SCAP: variants seen among roughly 807,000 people sequenced by gnomAD.
The protein encoded by SCAP is sterol regulatory element-binding protein cleavage-activating protein.
In SCAP, 65 loss-of-function variants were observed where a neutral mutation model predicts 123.6. That is an observed-to-expected ratio of 0.53 (90% CI 0.43 to 0.65). The LOEUF is 0.65. Ranked by LOEUF, SCAP falls within the 30% of genes least tolerant of loss-of-function variation. SCAP has a pLI of 0.00. For synonymous variants in SCAP, 740 were observed against 726.3 expected (o/e 1.02, Z -0.30); for missense variants, 1,398 against 1,712.5 (o/e 0.82, Z 3.24).
intron 1 of SCAP, among the ~76,000 whole-genome samples, chr3:47,458,867 G>A (rs981812362): frequency 9.2e-5 from 14 of 152,198 alleles, no homozygotes; most frequent in African/African-American, 3.4e-4. Flanking sequence ...GTGCAACGGC[G>A]TGATCTCGGC....
intron 3 of SCAP, chr3:47,434,804 T>G: frequency 1.9e-6 from 1 of 533,760 alleles, no homozygotes; most frequent in Non-Finnish European, 3.2e-6. Flanking sequence ...GCCATTGCAC[T>G]CCAGCCTGGA....
At chr3:47,417,970 G>T (rs1249082857) in intron 16 of SCAP, 144 bp from the exon 17 acceptor site, 1 of 464,882 alleles carries the variant, frequency 2.2e-6, no homozygotes, top group South Asian at 1.9e-5. Flanking sequence ...GGTGGGGAGA[G>T]GGGGGTACGG....
intron 1 of SCAP, chr3:47,470,110 A>G (rs1707975805): frequency 5.9e-6 from 1 of 168,804 alleles, no homozygotes. Context: ...AAATATTTAC[A>G]TGCTGCAAAT....
At chr3:47,444,026 T>A (rs1706927566) in intron 1 of SCAP, among the ~76,000 whole-genome samples, 1 of 152,196 alleles carries the variant, frequency 6.6e-6, no homozygotes, top group Non-Finnish European at 1.5e-5. Flanking sequence ...CATCAACTTT[T>A]TTTTCCGTTT....
rs1423904033 is a variant in SCAP at position 47,442,880 on chromosome 3, T to A, written c.114A>T (p.Leu38Phe). Residue 38 changes from leucine (L) to phenylalanine (F), a missense_variant, in exon 2 of 23, where the codon TTA becomes TTT. Around this residue, in one of 7 missense-constraint regions of SCAP, gnomAD observed 319 missense variants for 432.4 expected, o/e 0.74. Transcript: ENST00000265565. ...PIILFTGFCI[L>F]ACCYPLLKLP... is the part of the protein sequence containing the mutation. The stretch of plus-strand genomic sequence containing the variant: ...GCAACCCAAAAACATACCAGCAGGC[T>A]AAGATGCAGAACCCTGTGAAGAGGA... 5 of 1,614,070 alleles carry A rather than the reference T, an allele frequency of 3.1e-6. No homozygotes were observed. Among genetic ancestry groups the A allele is most frequent in the Admixed American group, 1.7e-5 (1 of 60,008 alleles).
chr3:47,445,231 C>T (rs1382364519), intron 1 of SCAP, among the ~76,000 whole-genome samples: 1 of 148,658 alleles, frequency 6.7e-6, no homozygotes, highest in Non-Finnish European at 1.5e-5. Context: ...GTTTGAATAC[C>T]TGTTTTCAAT....
chr3:47,417,419 G>T lies in SCAP; in HGVS notation c.2855C>A (p.Ser952Tyr). Residue 952 changes from serine to tyrosine, a missense_variant, in exon 17 of 23, where the codon TCC (serine) becomes TAC (tyrosine). Coordinates refer to ENST00000265565, the MANE Select transcript of SCAP (RefSeq NM_012235.4). ...GAGGGAAGGGGAGCCTTTCTCGGGG[G>T]AGCCACCCTCGTCCTCAGGGGCCTG... ...LSQAPEDEGG[S>Y]PEKGSPSLAW... is the part of the protein sequence containing the mutation. 6.4e-7 allele frequency: 1 copy of T among 1,568,632 alleles called. No individual in the cohort carries two copies. The highest frequency in any genetic ancestry group is 8.6e-7 in the Non-Finnish European group (1 of 1,158,532).
At chr3:47,447,462 G>A (rs927154279) in intron 1 of SCAP, among the ~76,000 whole-genome samples, 11 of 152,048 alleles carry the variant, frequency 7.2e-5, no homozygotes, top group Non-Finnish European at 8.8e-5. Flanking sequence ...GGCAAAGGTG[G>A]GCGGATTACA....
At chr3:47,436,563 A>G (rs1559553235) in intron 2 of SCAP, among the ~76,000 whole-genome samples, 1 of 152,122 alleles carries the variant, frequency 6.6e-6, no homozygotes, top group Non-Finnish European at 1.5e-5. Context: ...TGGGAGGTAG[A>G]GGCTGCAGTG....
intron 1 of SCAP, among the ~76,000 whole-genome samples, chr3:47,449,534 G>C (rs1464924945): frequency 8.1e-6 from 1 of 123,958 alleles, no homozygotes; most frequent in Non-Finnish European, 1.8e-5. Context: ...ACAATTACGT[G>C]GAGGGCCAGA....
chr3:47,441,358 C>G (rs1354427376), intron 2 of SCAP, among the ~76,000 whole-genome samples: 1 of 152,066 alleles, frequency 6.6e-6, no homozygotes, highest in Non-Finnish European at 1.5e-5. Flanking sequence ...GTTGTGGCTT[C>G]TTAGGAGGCT....
chr3:47,431,153 G>A, intron 3 of SCAP, among the ~76,000 whole-genome samples: 1 of 151,074 alleles, frequency 6.6e-6, no homozygotes, highest in Non-Finnish European at 1.5e-5. Flanking sequence ...GCTGCCACAG[G>A]CTATGACCAG....
upstream of SCAP, among the ~76,000 whole-genome samples, chr3:47,476,281 A>C (rs1240686626): frequency 6.6e-6 from 1 of 152,170 alleles, no homozygotes; most frequent in Non-Finnish European, 1.5e-5. Flanking sequence ...TGGGCAACGT[A>C]GGAGACCTCC....
At chr3:47,454,002 A>G (rs559388310) in intron 1 of SCAP, among the ~76,000 whole-genome samples, 2 of 152,350 alleles carry the variant, frequency 1.3e-5, no homozygotes, top group Admixed American at 1.3e-4. Context: ...TGTTATGTTC[A>G]ACATATTAAC....
intron 1 of SCAP, among the ~76,000 whole-genome samples, chr3:47,462,333 C>T (rs964699364): frequency 6.6e-6 from 1 of 152,104 alleles, no homozygotes; most frequent in Non-Finnish European, 1.5e-5. Context: ...CTGACAGCCT[C>T]TGCCCCATCA....
intron 3 of SCAP, among the ~76,000 whole-genome samples, chr3:47,430,385 C>T (rs184131789): frequency 3.9e-5 from 6 of 152,252 alleles, no homozygotes; most frequent in South Asian, 4.1e-4. Context: ...AGGCATGTCG[C>T]GGAGCACCCC....
Position 47,419,221 on chromosome 3 carries a change from GTT to G in SCAP, c.1940+105_1940+106del. On this transcript the variant is annotated intron_variant, in intron 13 of 22. Coordinates refer to ENST00000265565, the MANE Select transcript of SCAP (RefSeq NM_012235.4). The surrounding 1 kb of genome is among the most constrained non-coding windows in gnomAD (Gnocchi z 5.0). Reference sequence around the variant, plus strand: ...TTCCCACCTCACAACCTTATGAACTGTTTTAATTATTTGCATAATTCAAACCT... The same window carrying G: ...TTCCCACCTCACAACCTTATGAACTGTTAATTATTTGCATAATTCAAACCT... 7.1e-7 allele frequency: 1 copy of G among 1,402,888 alleles called. No homozygotes were observed. Among genetic ancestry groups the G allele is most frequent in the Non-Finnish European group, 9.6e-7 (1 of 1,038,010 alleles). The allele number at this position is 1,402,888 out of a possible 1,614,324, so 86.9% of individuals were successfully genotyped here.
chr3:47,438,047 C>T (rs914746991), intron 2 of SCAP, among the ~76,000 whole-genome samples: 2 of 152,064 alleles, frequency 1.3e-5, no homozygotes, highest in African/African-American at 4.8e-5. Context: ...TAATGTTAAC[C>T]ATTTAGAGGA....
intron 1 of SCAP, among the ~76,000 whole-genome samples, chr3:47,474,517 G>A (rs894989762): frequency 5.9e-5 from 9 of 151,784 alleles, no homozygotes; most frequent in Admixed American, 5.3e-4. Context: ...GGTCTTGGCC[G>A]GGCACGGTGG....
Sources: gnomAD v4.1 joint callset for allele counts (sites outside exome capture counted in the v4.1 genomes callset) on GRCh38, gnomAD v4.1.1 for gene constraint, gnomAD v4.1.1 regional missense constraint, Gnocchi (gnomAD v3.1) non-coding constraint, MANE v1.5 for transcripts, NCBI Gene and HGNC (gene_info 2026-07-23, HGNC 2026-07-21) for gene names.